BEND4: variants seen among roughly 807,000 people sequenced by gnomAD.
BEND4 encodes BEN domain-containing protein 4.
In BEND4, 27 loss-of-function variants were observed where a neutral mutation model predicts 54.7. That is an observed-to-expected ratio of 0.49 (90% CI 0.36 to 0.68). The LOEUF (loss-of-function observed/expected upper bound fraction) is 0.68, where lower values mean the gene tolerates loss of function less well. Among genes scored for constraint, BEND4 ranks in the 30% least tolerant of loss-of-function variants. The pLI, the probability that BEND4 is intolerant of heterozygous loss-of-function variation, is 0.00. For synonymous variants in BEND4, 327 were observed against 299.5 expected, an observed-to-expected ratio of 1.09 and a Z score of -0.95; for missense variants, 702 against 697.2, an observed-to-expected ratio of 1.01 and a Z score of -0.08.
intron 2 of BEND4, 110 bp from the exon 3 acceptor site, chr4:42,144,104 C>A: frequency 2.5e-6 from 2 of 810,748 alleles, no homozygotes; most frequent in Non-Finnish European, 4.1e-6. Context: ...TGTATTTCTA[C>A]TGTCTGTCAT....
chr4:42,131,166 C>T (rs756187491), intron 3 of BEND4, among the ~76,000 whole-genome samples: 3 of 152,154 alleles, frequency 2.0e-5, no homozygotes, highest in Non-Finnish European at 4.4e-5. Context: ...ACCACAACGG[C>T]ACATGTTTAC....
rs546774306 is a variant in BEND4 at position 42,112,077 on chromosome 4, T to G, written c.*5441A>C. ...GCAATACACAAATATCAACTCTCCC[T>G]TGATGGCATAAATAAAACAACAAAT... On this transcript the variant is annotated 3_prime_UTR_variant, in exon 6 of 6. Coordinates refer to ENST00000502486, the MANE Select transcript of BEND4 (RefSeq NM_207406.4). 2.0e-5 allele frequency: 3 copies of G among 152,296 alleles called. No homozygotes were observed. The highest frequency in any genetic ancestry group is 7.2e-5 in the African/African-American group (3 of 41,564). 9.4% of individuals were successfully genotyped at this position (152,296 alleles called of 1,614,324 possible).
intron 3 of BEND4, among the ~76,000 whole-genome samples, chr4:42,128,999 T>C (rs1720407108): frequency 6.6e-6 from 1 of 152,204 alleles, no homozygotes. Context: ...TGTCTCTGTT[T>C]GCAGATAACA....
intron 5 of BEND4, 179 bp downstream of exon 5, chr4:42,119,875 G>T: frequency 1.4e-6 from 1 of 691,720 alleles, no homozygotes; most frequent in Non-Finnish European, 2.5e-6. Context: ...CAACGCTAAG[G>T]CAAACGGAGG....
intron 3 of BEND4, among the ~76,000 whole-genome samples, chr4:42,126,639 C>A (rs1720297849): frequency 6.6e-6 from 1 of 152,108 alleles, no homozygotes; most frequent in African/African-American, 2.4e-5. Context: ...TTTTTTTGTA[C>A]CACTACATAA....
At chr4:42,121,599 GGGA>G (rs1720062066) in intron 4 of BEND4, among the ~76,000 whole-genome samples, 1 of 152,186 alleles carries the variant, frequency 6.6e-6, no homozygotes, top group Non-Finnish European at 1.5e-5. Context: ...ATGACTATTT[GGGA>G]GCATGAGCCA....
chr4:42,141,795 A>ATATGCATATT (rs1720894988), intron 3 of BEND4, among the ~76,000 whole-genome samples: 1 of 152,244 alleles, frequency 6.6e-6, no homozygotes, highest in African/African-American at 2.4e-5. Flanking sequence ...ATGTATCAGC[A>ATATGCATATT]TTAAAATTTT....
At chr4:42,128,211 T>C (rs1349388966) in intron 3 of BEND4, among the ~76,000 whole-genome samples, 2 of 150,576 alleles carry the variant, frequency 1.3e-5, no homozygotes, top group African/African-American at 4.9e-5. Context: ...ATAATAAGAG[T>C]CATTCACGAC....
intron 3 of BEND4, among the ~76,000 whole-genome samples, chr4:42,129,713 T>C (rs1384725440): frequency 1.3e-5 from 2 of 152,174 alleles, no homozygotes; most frequent in South Asian, 2.1e-4. Flanking sequence ...TTATACCTTA[T>C]ACAAAAAGTA....
At chr4:42,146,850 T>C (rs560830802) in intron 2 of BEND4, among the ~76,000 whole-genome samples, 5 of 152,328 alleles carry the variant, frequency 3.3e-5, no homozygotes, top group African/African-American at 1.2e-4. Flanking sequence ...TGCTTGAATG[T>C]ATTTGTTCAG....
rs1252193280 is a variant in BEND4 at position 42,111,285 on chromosome 4, CAT to C, written c.*6231_*6232del. ...ACAGTACAATCAAATAGAAATTATT[CAT>C]AGAGAATCAACAAGACTCCAACAAT... On this transcript the variant is annotated 3_prime_UTR_variant, in exon 6 of 6. Transcript: ENST00000502486. The C allele has an allele frequency of 2.0e-5, 3 of 152,120 alleles. No individual in the cohort carries two copies. The highest frequency in any genetic ancestry group is 6.6e-5 in the Admixed American group (1 of 15,262). The allele number at this position is 152,120 out of a possible 1,614,324, so 9.4% of individuals were successfully genotyped here.
intron 5 of BEND4, among the ~76,000 whole-genome samples, chr4:42,118,690 G>T (rs570637571): frequency 6.6e-6 from 1 of 152,256 alleles, no homozygotes; most frequent in African/African-American, 2.4e-5. Flanking sequence ...CCCCTTATTT[G>T]GCTCCTTTAT....
At chr4:42,141,182 C>G (rs994842545) in intron 3 of BEND4, among the ~76,000 whole-genome samples, 1 of 152,184 alleles carries the variant, frequency 6.6e-6, no homozygotes, top group African/African-American at 2.4e-5. Context: ...AACCCCAGGG[C>G]TCCAATGTAA....
intron 2 of BEND4, among the ~76,000 whole-genome samples, chr4:42,145,420 T>C (rs1368422258): frequency 6.6e-6 from 1 of 151,996 alleles, no homozygotes; most frequent in African/African-American, 2.4e-5. Flanking sequence ...AACAGCTGGG[T>C]GCAGTGGCTC....
At chr4:42,145,349 T>C (rs1341811196) in intron 2 of BEND4, among the ~76,000 whole-genome samples, 1 of 152,112 alleles carries the variant, frequency 6.6e-6, no homozygotes, top group Admixed American at 6.5e-5. Flanking sequence ...ATAACTAAGA[T>C]AGTCAGAGGA....
intron 3 of BEND4, 82 bp downstream of exon 3, chr4:42,143,344 CAT>C: frequency 1.6e-6 from 2 of 1,218,234 alleles, no homozygotes; most frequent in Non-Finnish European, 2.4e-6. Context: ...CATACACATA[CAT>C]GAGTACAGAA....
At chr4:42,123,694 G>GAAAAAAAAAAAAAA (rs71664396) in intron 4 of BEND4, among the ~76,000 whole-genome samples, 19 of 50,796 alleles carry the variant, frequency 3.7e-4, no homozygotes, top group African/African-American at 8.3e-4. Flanking sequence ...CTGTAATTCA[G>GAAAAAAAAAAAAAA]AAAAAAAAAA....
intron 3 of BEND4, among the ~76,000 whole-genome samples, chr4:42,127,466 T>C (rs1018545770): frequency 5.3e-5 from 8 of 152,188 alleles, no homozygotes; most frequent in African/African-American, 1.7e-4. Context: ...TTCTTAAAAG[T>C]CCAACCCTTT....
At chr4:42,121,921 A>G (rs751668087) in intron 4 of BEND4, among the ~76,000 whole-genome samples, 1 of 152,108 alleles carries the variant, frequency 6.6e-6, no homozygotes, top group Non-Finnish European at 1.5e-5. Flanking sequence ...GCTGGGAGGA[A>G]AGCAGCAGGA....
Sources: allele counts gnomAD v4.1 joint callset (sites outside exome capture counted in the v4.1 genomes callset), GRCh38; gene constraint gnomAD v4.1.1; transcripts MANE v1.5; gene names NCBI Gene and HGNC (gene_info 2026-07-23, HGNC 2026-07-21).